Variants in AXDND1 observed in about 807,000 individuals in gnomAD.
AXDND1 encodes axonemal dynein light chain domain containing 1.
AXDND1 carries 110 observed loss-of-function variants against 137.5 expected under a neutral mutation model. The ratio of observed to expected loss-of-function variants is 0.80; its 90% confidence interval spans 0.69 to 0.94. The LOEUF (loss-of-function observed/expected upper bound fraction) is 0.94, where lower values mean the gene tolerates loss of function less well. AXDND1 is among the 40% of genes least tolerant of loss of function. AXDND1 has a pLI of 0.00. For missense variants in AXDND1, 1,191 were observed against 1,169.8 expected (o/e 1.02, Z -0.26); for synonymous variants, 414 against 399.7 (o/e 1.04, Z -0.43).
intron 16 of AXDND1, chr1:179,449,360 C>T (rs996523356): frequency 5.0e-5 from 14 of 278,632 alleles, no homozygotes; most frequent in South Asian, 3.5e-4. Context: ...ATTTTGTAGT[C>T]TTAAGCCTAT....
intron 8 of AXDND1, among the ~76,000 whole-genome samples, chr1:179,383,958 C>G (rs1187286765): frequency 1.3e-5 from 2 of 152,130 alleles, no homozygotes; most frequent in Non-Finnish European, 2.9e-5. Context: ...CTCCTGACCT[C>G]AAGTGATCTG....
At chr1:179,371,158 T>C (rs1667998843) in intron 4 of AXDND1, among the ~76,000 whole-genome samples, 1 of 152,212 alleles carries the variant, frequency 6.6e-6, no homozygotes, top group African/African-American at 2.4e-5. Context: ...CCAGGTGCAG[T>C]GGCTCATTCC....
At position 179,541,217 on chromosome 1, in the gene AXDND1, G is replaced by A. The variant is rs184625191; in HGVS notation, c.3031+6255G>A. On this transcript the variant is annotated intron_variant, in intron 25 of 25. Transcript: ENST00000367618. The stretch of plus-strand genomic sequence containing the variant: ...AGTATTTTGGCAAGAGTGTACCGTC[G>A]CACCTGGTACAGTCTCTCATGGCTT... Among the ~76,000 whole-genome samples the A allele has an allele frequency of 3.0e-4, 45 of 152,286 alleles. No individual in the cohort carries two copies. The East Asian group carries it at 4.6e-3, about 16-fold the overall frequency.
chr1:179,369,598 G>A (rs763532026), intron 3 of AXDND1, among the ~76,000 whole-genome samples: 3 of 152,034 alleles, frequency 2.0e-5, no homozygotes, highest in Non-Finnish European at 4.4e-5. Flanking sequence ...GTTGCAGTGA[G>A]CCGAGATTGC....
Position 179,459,789 on chromosome 1 carries a change from TTCTC to T in AXDND1, c.1799-8646_1799-8643del, listed in dbSNP as rs1031903891. ...TCTCTTTTCTTTTTCTTTATTTTCT[TTCTC>T]TCTCTCTTTCTTTCCTTCCTTCCTT... On this transcript the variant is annotated intron_variant, in intron 16 of 25. Coordinates refer to ENST00000367618, the MANE Select transcript of AXDND1 (RefSeq NM_144696.6). 6.7e-5 allele frequency among the ~76,000 whole-genome samples: 10 copies of T among 150,134 alleles called. 1 individual carries two copies. Among genetic ancestry groups the T allele is most frequent in the African/African-American group, 1.5e-4 (6 of 40,868 alleles).
intron 20 of AXDND1, among the ~76,000 whole-genome samples, chr1:179,501,301 T>G (rs948868994): frequency 1.3e-5 from 2 of 152,182 alleles, no homozygotes. Context: ...CAGCATGGTG[T>G]TAGTTCAAAG....
At chr1:179,494,111 C>G (rs541614079) in intron 20 of AXDND1, among the ~76,000 whole-genome samples, 8 of 151,972 alleles carry the variant, frequency 5.3e-5, no homozygotes, top group African/African-American at 1.9e-4. Flanking sequence ...ACCACTATGC[C>G]GGGCTAATTT....
At chr1:179,421,236 G>T (rs77017223) in intron 12 of AXDND1, among the ~76,000 whole-genome samples, 1 of 151,820 alleles carries the variant, frequency 6.6e-6, no homozygotes. Context: ...AGTAAATTTC[G>T]AAGTCAGGTA....
At chr1:179,453,816 A>G (rs947967027) in intron 16 of AXDND1, 1 of 152,064 alleles carries the variant, frequency 6.6e-6, no homozygotes, top group South Asian at 2.1e-4. Context: ...AAAAAAAAAA[A>G]AAAAAAATGG....
intron 8 of AXDND1, 64 bp from the exon 9 acceptor site, chr1:179,385,174 C>A: frequency 7.1e-7 from 1 of 1,416,518 alleles, no homozygotes; most frequent in Non-Finnish European, 9.8e-7. Flanking sequence ...AAGGTATTAA[C>A]CTCCTAAAAT....
At chr1:179,476,962 T>C (rs1009356222) in intron 17 of AXDND1, among the ~76,000 whole-genome samples, 1 of 152,160 alleles carries the variant, frequency 6.6e-6, no homozygotes, top group Non-Finnish European at 1.5e-5. Flanking sequence ...TTTCTCTACT[T>C]CCAATACTCC....
At chr1:179,447,505 C>A in intron 16 of AXDND1, 1 of 535,378 alleles carries the variant, frequency 1.9e-6, no homozygotes. Flanking sequence ...GGTATAGATT[C>A]TACAGTTGGC....
At chr1:179,380,073 C>T (rs1034948565) in intron 6 of AXDND1, among the ~76,000 whole-genome samples, 2 of 151,796 alleles carry the variant, frequency 1.3e-5, no homozygotes, top group African/African-American at 4.8e-5. Flanking sequence ...CACGGTGAAA[C>T]TCCGTCTCTA....
At chr1:179,409,829 G>A (rs6682080) in intron 11 of AXDND1, among the ~76,000 whole-genome samples, 97,779 of 151,992 alleles carry the variant, frequency 0.64, 31,813 homozygotes, top group Middle Eastern at 0.7. Flanking sequence ...AACAAAAAAC[G>A]AAACAAAACA....
chr1:179,461,477 G>C (rs1444013881), intron 16 of AXDND1, among the ~76,000 whole-genome samples: 1 of 152,088 alleles, frequency 6.6e-6, no homozygotes, highest in Non-Finnish European at 1.5e-5. Context: ...TTCGAAGTCA[G>C]GTAGCATGAT....
intron 25 of AXDND1, chr1:179,545,946 C>G (rs569586289): frequency 2.0e-5 from 3 of 152,064 alleles, no homozygotes; most frequent in African/African-American, 4.8e-5. Context: ...CTGGGGGGTT[C>G]AAGGATTTGA....
intron 16 of AXDND1, chr1:179,457,298 CTGTT>C: frequency 1.5e-6 from 1 of 647,152 alleles, no homozygotes; most frequent in Non-Finnish European, 2.8e-6. Flanking sequence ...GCTTCCTCAA[CTGTT>C]TGGGCTCTTT....
intron 20 of AXDND1, among the ~76,000 whole-genome samples, chr1:179,493,343 T>C (rs374646935): frequency 3.3e-5 from 5 of 152,366 alleles, no homozygotes; most frequent in African/African-American, 1.2e-4. Flanking sequence ...CAACCACTTA[T>C]GCTTTTTAGT....
Position 179,462,119 on chromosome 1 carries a change from G to A in AXDND1, c.1799-6324G>A, listed in dbSNP as rs553346125. Among the ~76,000 whole-genome samples the A allele has an allele frequency of 2.2e-3, 342 of 152,200 alleles. 3 individuals are homozygous for A. Among genetic ancestry groups the A allele is most frequent in the African/African-American group, 7.8e-3 (325 of 41,522 alleles). On this transcript the variant is annotated intron_variant, in intron 16 of 25. Coordinates refer to ENST00000367618, the MANE Select transcript of AXDND1 (RefSeq NM_144696.6). ...TGGTGAGAGAGGGCATCCTTGTCTT[G>A]TGCCAGTTTTCAAAGGGAATGCTTC...
Sources: gnomAD v4.1 joint callset for allele counts (sites outside exome capture counted in the v4.1 genomes callset) on GRCh38, gnomAD v4.1.1 for gene constraint, MANE v1.5 for transcripts, NCBI Gene and HGNC (gene_info 2026-07-23, HGNC 2026-07-21) for gene names.